The following PIK3C2G variants were observed in gnomAD, a reference collection of about 807,000 sequenced individuals.
PIK3C2G encodes phosphatidylinositol 3-kinase C2 domain-containing subunit gamma.
PIK3C2G carries 168 observed loss-of-function variants against 181.1 expected under a neutral mutation model. The ratio of observed to expected loss-of-function variants is 0.93; its 90% CI spans 0.82 to 1.05. The LOEUF is 1.05. PIK3C2G is among the 50% of genes least tolerant of loss of function. The pLI is 0.00. For missense variants in PIK3C2G, 1,869 were observed against 1,732.8 expected, an observed-to-expected ratio of 1.08 and a Z score of -1.40; for synonymous variants, 573 against 592.2, an observed-to-expected ratio of 0.97 and a Z score of 0.47.
intron 8 of PIK3C2G, among the ~76,000 whole-genome samples, chr12:18,325,706 C>CAAAAAAAAAAAAAAAAAAAAAAA (rs34711642): frequency 1.6e-5 from 1 of 61,616 alleles, no homozygotes; most frequent in African/African-American, 5.5e-5. Flanking sequence ...GACTCAGTCT[C>CAAAAAAAAAAAAAAAAAAAAAAA]AAAAAAAAAA....
chr12:18,669,688 C>T, the PIK3C2G span, among the ~76,000 whole-genome samples: 682 of 151,832 alleles, frequency 4.5e-3, 9 homozygotes, highest in African/African-American at 0.015. Flanking sequence ...GACAGATTCT[C>T]GCTCTGTCAC....
chr12:18,266,520 G>C (rs1180576710), intron 1 of PIK3C2G, among the ~76,000 whole-genome samples: 1 of 152,026 alleles, frequency 6.6e-6, no homozygotes, highest in Non-Finnish European at 1.5e-5. Context: ...GGTTTTTAAA[G>C]AGTTACTATT....
At chr12:18,688,583 T>A in the PIK3C2G span, among the ~76,000 whole-genome samples, 7 of 151,722 alleles carry the variant, frequency 4.6e-5, no homozygotes, top group African/African-American at 1.5e-4. Context: ...CTGGAAAAAA[T>A]TTAAAGCAAT....
At chr12:18,333,027 A>G (rs976778139) in intron 8 of PIK3C2G, among the ~76,000 whole-genome samples, 4 of 152,084 alleles carry the variant, frequency 2.6e-5, no homozygotes, top group African/African-American at 9.7e-5. Context: ...GGCCTTTAAA[A>G]AATCTGTTAA....
intron 26 of PIK3C2G, among the ~76,000 whole-genome samples, chr12:18,562,139 G>C (rs1379019529): frequency 6.6e-6 from 1 of 152,006 alleles, no homozygotes; most frequent in Non-Finnish European, 1.5e-5. Context: ...TTTTTTTGTT[G>C]TTGTTGTTTT....
chr12:18,541,789 T>C (rs527898666), intron 25 of PIK3C2G, among the ~76,000 whole-genome samples: 8 of 151,914 alleles, frequency 5.3e-5, no homozygotes, highest in Admixed American at 4.6e-4. Context: ...ACCAGAACCA[T>C]GTGGCTAGGG....
chr12:18,610,153 G>C (rs1182315305), intron 31 of PIK3C2G, among the ~76,000 whole-genome samples: 1 of 152,060 alleles, frequency 6.6e-6, no homozygotes, highest in African/African-American at 2.4e-5. Context: ...TTAAGAAAGA[G>C]AGGAAGCATT....
At chr12:18,398,578 G>A (rs1029274638) in intron 15 of PIK3C2G, among the ~76,000 whole-genome samples, 4 of 152,168 alleles carry the variant, frequency 2.6e-5, no homozygotes, top group Non-Finnish European at 4.4e-5. Flanking sequence ...AGCCATTGTC[G>A]TGTGAGGGAA....
At chr12:18,430,982 C>G (rs535667535) in intron 18 of PIK3C2G, among the ~76,000 whole-genome samples, 1 of 152,006 alleles carries the variant, frequency 6.6e-6, no homozygotes, top group African/African-American at 2.4e-5. Flanking sequence ...ACTCTTTTAT[C>G]TAAAATTTTG....
chr12:18,641,261 C>G (rs549816513), intron 32 of PIK3C2G, among the ~76,000 whole-genome samples: 114 of 152,264 alleles, frequency 7.5e-4, no homozygotes, highest in South Asian at 1.7e-3. Context: ...AAAATTAACC[C>G]ACATGATCTG....
chr12:18,428,057 G>C (rs749790603), intron 18 of PIK3C2G, among the ~76,000 whole-genome samples: 3 of 151,890 alleles, frequency 2.0e-5, no homozygotes, highest in Non-Finnish European at 4.4e-5. Flanking sequence ...ATTAGTTATT[G>C]TTCCTGATCC....
rs756415757 is a variant in PIK3C2G, at chr12:18,362,922, G to A, written c.1748+36G>A. ...TCTTTACTGTATCTGGATCATTTAT[G>A]TAATAAATGTCAGCTTTTTCCCCCT... On this transcript the variant is annotated intron_variant, in intron 12 of 32. Coordinates refer to ENST00000538779, the MANE Select transcript of PIK3C2G (RefSeq NM_001288772.2). The A allele has an allele frequency of 5.1e-5, 71 of 1,402,408 alleles. No individual in the cohort carries two copies. The Middle Eastern group carries it at 2.0e-3, about 39-fold the overall frequency. The allele number at this position is 1,402,408 out of a possible 1,614,324, so 86.9% of individuals were successfully genotyped here. A position where few individuals can be genotyped will look rare whatever the true frequency, so the allele number is the denominator to read the frequency against.
intron 26 of PIK3C2G, among the ~76,000 whole-genome samples, chr12:18,547,257 CT>C (rs1944482412): frequency 6.6e-6 from 1 of 151,884 alleles, no homozygotes; most frequent in African/African-American, 2.4e-5. Context: ...TTTACTTTTT[CT>C]TTCACCCTTC....
chr12:18,575,949 G>A (rs1410096507), intron 29 of PIK3C2G, among the ~76,000 whole-genome samples: 3 of 152,080 alleles, frequency 2.0e-5, no homozygotes, highest in African/African-American at 7.2e-5. Context: ...GAAAACCTAA[G>A]GGACTGAAAG....
intron 13 of PIK3C2G, among the ~76,000 whole-genome samples, chr12:18,372,090 A>AATTTTT (rs1326717768): frequency 6.6e-6 from 1 of 152,072 alleles, no homozygotes; most frequent in African/African-American, 2.4e-5. Context: ...TTAATTTATT[A>AATTTTT]ATTTTTATTT....
At chr12:18,404,790 G>T (rs1012105471) in intron 16 of PIK3C2G, among the ~76,000 whole-genome samples, 2 of 152,068 alleles carry the variant, frequency 1.3e-5, no homozygotes, top group Non-Finnish European at 2.9e-5. Flanking sequence ...GGCATACCAT[G>T]GAATTTTGTT....
At chr12:18,575,246 G>A (rs755696825) in intron 29 of PIK3C2G, among the ~76,000 whole-genome samples, 2 of 152,100 alleles carry the variant, frequency 1.3e-5, no homozygotes, top group Non-Finnish European at 2.9e-5. Context: ...ATATGGTGCT[G>A]GGAACCTCAC....
chr12:18,631,772 T>C (rs1360585332), intron 31 of PIK3C2G, among the ~76,000 whole-genome samples: 1 of 152,150 alleles, frequency 6.6e-6, no homozygotes, highest in Non-Finnish European at 1.5e-5. Context: ...TGAGTAGCAG[T>C]ACTAACAAAG....
At chr12:18,310,931 T>C (rs979669229) in intron 5 of PIK3C2G, among the ~76,000 whole-genome samples, 1 of 152,032 alleles carries the variant, frequency 6.6e-6, no homozygotes, top group African/African-American at 2.4e-5. Flanking sequence ...GTCTCATTCA[T>C]AACAGAAATA....
Sources: gnomAD v4.1 joint callset for allele counts (sites outside exome capture counted in the v4.1 genomes callset) on GRCh38, gnomAD v4.1.1 for gene constraint, MANE v1.5 for transcripts, NCBI Gene and HGNC (gene_info 2026-07-23, HGNC 2026-07-21) for gene names.